Variants in CFAP299 observed in about 807,000 individuals in gnomAD.
The protein encoded by CFAP299 is cilia- and flagella-associated protein 299.
A neutral mutation model predicts 27.0 loss-of-function variants in CFAP299; 21 were observed. That is an observed-to-expected ratio of 0.78 (90% confidence interval 0.55 to 1.12). The LOEUF (loss-of-function observed/expected upper bound fraction) is 1.12, where lower values mean the gene tolerates loss of function less well. Among genes scored for constraint, CFAP299 ranks in the 50% most tolerant of loss-of-function variants. CFAP299 has a pLI of 0.00. For missense variants in CFAP299, 310 were observed against 276.6 expected, an observed-to-expected ratio of 1.12 and a Z score of -0.86; for synonymous variants, 104 against 98.1, an observed-to-expected ratio of 1.06 and a Z score of -0.36.
chr4:80,386,671 G>A, intron 2 of CFAP299: 37 of 1,585,914 alleles, frequency 2.3e-5, no homozygotes, highest in Non-Finnish European at 3.1e-5. Flanking sequence ...GCTCGGCGAG[G>A]TGGGCACGGC....
At chr4:80,491,450 A>T (rs1233416435) in intron 2 of CFAP299, among the ~76,000 whole-genome samples, 2 of 152,144 alleles carry the variant, frequency 1.3e-5, no homozygotes, top group African/African-American at 4.8e-5. Flanking sequence ...ACAATTGTCC[A>T]CATTCATAAA....
intron 3 of CFAP299, among the ~76,000 whole-genome samples, chr4:80,739,051 C>A (rs1455527246): frequency 6.6e-6 from 1 of 152,012 alleles, no homozygotes; most frequent in Non-Finnish European, 1.5e-5. Context: ...AAACTCTATA[C>A]TTTAGTTTCG....
chr4:80,617,287 C>T (rs573019135), intron 3 of CFAP299, among the ~76,000 whole-genome samples: 1 of 152,190 alleles, frequency 6.6e-6, no homozygotes, highest in Admixed American at 6.5e-5. Context: ...AGAAACATGT[C>T]ATATTTACCT....
intron 2 of CFAP299, among the ~76,000 whole-genome samples, chr4:80,424,276 GCATTAAAAGGGATCA>G (rs1727433321): frequency 6.6e-6 from 1 of 152,190 alleles, no homozygotes; most frequent in African/African-American, 2.4e-5. Flanking sequence ...TGCAGTTTCA[GCATTAAAAGGGATCA>G]CATTCTAGGA....
intron 3 of CFAP299, among the ~76,000 whole-genome samples, chr4:80,815,227 GGA>G (rs1393824190): frequency 6.6e-6 from 1 of 151,518 alleles, no homozygotes; most frequent in Non-Finnish European, 1.5e-5. Flanking sequence ...CTAGATGACA[GGA>G]CTGAGAAAAA....
chr4:80,554,133 T>C (rs1734673147), intron 2 of CFAP299, among the ~76,000 whole-genome samples: 1 of 152,168 alleles, frequency 6.6e-6, no homozygotes, highest in Non-Finnish European at 1.5e-5. Context: ...GAGTTTTACA[T>C]TTAAGTCTTC....
At chr4:80,447,119 G>GGTT (rs1728653757) in intron 2 of CFAP299, among the ~76,000 whole-genome samples, 1 of 65,508 alleles carries the variant, frequency 1.5e-5, no homozygotes, top group East Asian at 5.3e-4. Flanking sequence ...CTTTTTATTT[G>GGTT]TTTTTTTTTT....
rs182799552 is a variant in CFAP299, at chr4:80,763,710, A to G, written c.334-106283A>G. ...ACGCTAACTGACTTCAAACTATACTATAAGGCTGTAGTAACCAAAACAGCA... is the reference window on the plus strand; with the variant it reads ...ACGCTAACTGACTTCAAACTATACTGTAAGGCTGTAGTAACCAAAACAGCA... On this transcript the variant is annotated intron_variant, in intron 3 of 5. Transcript: ENST00000358105. Among the ~76,000 whole-genome samples, 47 of 152,304 alleles carry G rather than the reference A, an allele frequency of 3.1e-4. 2 individuals carry two copies. In the East Asian group the frequency reaches 6.2e-3, roughly 20 times the overall value.
rs1342440904 is a variant in CFAP299, at chr4:80,843,265, G to A, written c.334-26728G>A. The stretch of plus-strand genomic sequence containing the variant: ...CCCACAACAGGCCCCAGTGTGTGAT[G>A]TTCCTCTTCCTGTGTCCAAGTGTTC... On this transcript the variant is annotated intron_variant, in intron 3 of 5. Transcript: ENST00000358105. Among the ~76,000 whole-genome samples, 8 of 151,920 alleles carry A rather than the reference G, an allele frequency of 5.3e-5. No individual in the cohort carries two copies. In the South Asian group the frequency reaches 6.2e-4, roughly 12 times the overall value.
At chr4:80,939,669 A>G (rs1013423089) in intron 4 of CFAP299, among the ~76,000 whole-genome samples, 1 of 152,158 alleles carries the variant, frequency 6.6e-6, no homozygotes, top group Admixed American at 6.6e-5. Context: ...GGTCAGCCAC[A>G]TGAACTTTAT....
At chr4:80,958,043 G>A (rs1016283956) in intron 5 of CFAP299, among the ~76,000 whole-genome samples, 1 of 152,024 alleles carries the variant, frequency 6.6e-6, no homozygotes, top group East Asian at 1.9e-4. Flanking sequence ...GACTTTTAAG[G>A]CCCTCTATTA....
rs183688051 is a variant in CFAP299 at position 80,710,997 on chromosome 4, G to T, written c.333+127814G>T. 7.9e-5 allele frequency among the ~76,000 whole-genome samples: 12 copies of T among 152,214 alleles called. No individual in the cohort carries two copies. The East Asian group carries it at 2.3e-3, about 29-fold the overall frequency. ...AGAGCACAGGCGTATAACTCCTCTTGTTATCACACCCATGTAGCCATAACA... is the reference window on the plus strand; with the variant it reads ...AGAGCACAGGCGTATAACTCCTCTTTTTATCACACCCATGTAGCCATAACA... On this transcript the variant is annotated intron_variant, in intron 3 of 5. Transcript: ENST00000358105.
At chr4:80,549,848 C>T (rs1734414100) in intron 2 of CFAP299, among the ~76,000 whole-genome samples, 1 of 151,842 alleles carries the variant, frequency 6.6e-6, no homozygotes. Context: ...ATTTTTGATA[C>T]ATACATTAAA....
intron 3 of CFAP299, among the ~76,000 whole-genome samples, chr4:80,585,290 T>A (rs142058941): frequency 6.6e-6 from 1 of 152,228 alleles, no homozygotes; most frequent in East Asian, 1.9e-4. Context: ...ACAGAGATCA[T>A]GTGTTTGATT....
intron 3 of CFAP299, among the ~76,000 whole-genome samples, chr4:80,675,898 G>A (rs748477394): frequency 1.3e-4 from 20 of 152,190 alleles, no homozygotes; most frequent in Non-Finnish European, 2.5e-4. Context: ...CATTGGAAAA[G>A]CACAGTATGT....
At chr4:80,902,753 T>C (rs1734993977) in intron 4 of CFAP299, among the ~76,000 whole-genome samples, 2 of 151,626 alleles carry the variant, frequency 1.3e-5, no homozygotes, top group South Asian at 4.1e-4. Flanking sequence ...GCAGACTTCT[T>C]CAGGCAACTT....
intron 3 of CFAP299, among the ~76,000 whole-genome samples, chr4:80,664,079 A>G (rs548275027): frequency 1.3e-5 from 2 of 152,228 alleles, no homozygotes; most frequent in South Asian, 4.1e-4. Context: ...TCCCATCTGT[A>G]GGTTGCCTGT....
At chr4:80,593,740 T>G (rs1736905743) in intron 3 of CFAP299, among the ~76,000 whole-genome samples, 1 of 152,150 alleles carries the variant, frequency 6.6e-6, no homozygotes, top group South Asian at 2.1e-4. Context: ...TCTGCTTACT[T>G]TGGTTTTTGC....
chr4:80,500,417 A>G (rs1009109214), intron 2 of CFAP299, among the ~76,000 whole-genome samples: 20 of 152,216 alleles, frequency 1.3e-4, no homozygotes, highest in Non-Finnish European at 1.8e-4. Flanking sequence ...TTTCACATAC[A>G]AGAACTTGAT....
Sources: allele counts gnomAD v4.1 joint callset (sites outside exome capture counted in the v4.1 genomes callset), GRCh38; gene constraint gnomAD v4.1.1; transcripts MANE v1.5; gene names NCBI Gene and HGNC (gene_info 2026-07-23, HGNC 2026-07-21).